Variants in DROSHA observed in about 807,000 individuals in gnomAD.
DROSHA encodes drosha ribonuclease III, also known as ribonuclease 3.
A neutral mutation model predicts 181.9 loss-of-function variants in DROSHA; 56 were observed. The ratio of observed to expected loss-of-function variants is 0.31; its 90% CI spans 0.25 to 0.38. DROSHA has a LOEUF of 0.38. Among genes scored for constraint, DROSHA ranks in the 10% least tolerant of loss-of-function variants. The probability of loss-of-function intolerance (pLI) is 1.00; values close to 1 mark genes in which losing one functional copy is unlikely to be tolerated. For synonymous variants in DROSHA, 524 were observed against 591.2 expected, an observed-to-expected ratio of 0.89 and a Z score of 1.65; for missense variants, 1,218 against 1,743.5, an observed-to-expected ratio of 0.70 and a Z score of 5.37.
intron 23 of DROSHA, among the ~76,000 whole-genome samples, chr5:31,442,814 C>T (rs1745751584): frequency 6.6e-6 from 1 of 151,962 alleles, no homozygotes; most frequent in Non-Finnish European, 1.5e-5. Flanking sequence ...CTGCATCTGC[C>T]TGGACACTTG....
intron 16 of DROSHA, among the ~76,000 whole-genome samples, chr5:31,482,469 T>C (rs939208121): frequency 6.6e-6 from 1 of 152,134 alleles, no homozygotes; most frequent in Non-Finnish European, 1.5e-5. Context: ...CTGAAGGATG[T>C]CACCAGAAAG....
rs532049618 is a variant in DROSHA at position 31,449,436 on chromosome 5, A to G, written c.2683-17T>C. On this transcript the variant is annotated splice_polypyrimidine_tract_variant and intron_variant, in intron 21 of 35. Transcript: ENST00000344624. Reference sequence around the variant, plus strand: ...CATGGCCAGCTAAAATTTCAATGAAATAAGTTCAGTCTTTAAAACAGCATA... The same window carrying G: ...CATGGCCAGCTAAAATTTCAATGAAGTAAGTTCAGTCTTTAAAACAGCATA... The G allele has an allele frequency of 2.6e-6, 4 of 1,553,160 alleles. No individual in the cohort carries two copies. The highest frequency in any genetic ancestry group is 2.7e-5 in the African/African-American group (2 of 73,468).
chr5:31,423,006 C>T, intron 28 of DROSHA, 62 bp from the exon 29 acceptor site: 1 of 1,421,458 alleles, frequency 7.0e-7, no homozygotes, highest in Non-Finnish European at 9.3e-7. Context: ...GTGCAATGAT[C>T]AATTCTAGGA....
intron 8 of DROSHA, among the ~76,000 whole-genome samples, chr5:31,513,955 A>G (rs1029323247): frequency 2.6e-5 from 4 of 152,156 alleles, no homozygotes; most frequent in Non-Finnish European, 4.4e-5. Context: ...TAAAATGGAG[A>G]TGGAAGAAAG....
intron 13 of DROSHA, 42 bp downstream of exon 13, chr5:31,493,165 G>C (rs1196634210): frequency 1.3e-6 from 2 of 1,556,630 alleles, no homozygotes; most frequent in East Asian, 4.6e-5. Flanking sequence ...GGATGAAGGA[G>C]GTACAAGGAA....
intron 2 of DROSHA, 55 bp from the exon 3 acceptor site, chr5:31,530,979 C>T: frequency 2.5e-6 from 1 of 396,388 alleles, no homozygotes; most frequent in Non-Finnish European, 4.4e-6. Context: ...AGTATGTTTC[C>T]ATGTTGCTAC....
chr5:31,444,459 C>T (rs1210768592), intron 23 of DROSHA, among the ~76,000 whole-genome samples: 1 of 152,196 alleles, frequency 6.6e-6, no homozygotes, highest in East Asian at 1.9e-4. Flanking sequence ...GGTATCATCC[C>T]TTCTGCCACG....
At chr5:31,528,887 C>T (rs921022720) in intron 4 of DROSHA, among the ~76,000 whole-genome samples, 153 bp downstream of exon 4, 4 of 152,178 alleles carry the variant, frequency 2.6e-5, no homozygotes, top group Non-Finnish European at 2.9e-5. Context: ...CTGGGCATGG[C>T]CCTCTATTGT....
chr5:31,491,590 C>G (rs765081251), intron 13 of DROSHA, among the ~76,000 whole-genome samples: 2 of 151,244 alleles, frequency 1.3e-5, no homozygotes, highest in Non-Finnish European at 2.9e-5. Context: ...TTTATAAGCC[C>G]TCTGTGGGGA....
intron 16 of DROSHA, among the ~76,000 whole-genome samples, chr5:31,476,674 G>C (rs574375817): frequency 1.3e-5 from 2 of 152,290 alleles, no homozygotes; most frequent in South Asian, 2.1e-4. Context: ...TCTCAAGGAA[G>C]GGGGATTGAG....
chr5:31,468,754 T>G (rs921991087), intron 17 of DROSHA, among the ~76,000 whole-genome samples: 2 of 152,224 alleles, frequency 1.3e-5, no homozygotes, highest in Non-Finnish European at 2.9e-5. Context: ...AGCAACCTCC[T>G]TCCTTATAAT....
intron 14 of DROSHA, among the ~76,000 whole-genome samples, chr5:31,486,281 T>C (rs1257062033): frequency 6.6e-6 from 1 of 151,952 alleles, no homozygotes; most frequent in Admixed American, 6.6e-5. Context: ...GAGAAAGGGG[T>C]ATAAAAACAG....
At chr5:31,414,586 G>T (rs572030624) in intron 30 of DROSHA, among the ~76,000 whole-genome samples, 1 of 152,148 alleles carries the variant, frequency 6.6e-6, no homozygotes, top group Non-Finnish European at 1.5e-5. Flanking sequence ...TAGCTCTCAC[G>T]ATTGTTTTGA....
chr5:31,464,917 T>C (rs374765181), intron 19 of DROSHA, among the ~76,000 whole-genome samples: 14 of 152,294 alleles, frequency 9.2e-5, no homozygotes, highest in African/African-American at 3.4e-4. Context: ...TTTGCATGCA[T>C]GCAACTGAAT....
chr5:31,525,100 G>T (rs112226333), intron 5 of DROSHA, among the ~76,000 whole-genome samples: 17,724 of 151,958 alleles, frequency 0.12, 1,436 homozygotes, highest in Non-Finnish European at 0.18. Flanking sequence ...GGAGGCCGAG[G>T]GGGGCTGATC....
At chr5:31,424,393 T>G in intron 28 of DROSHA, 34 bp downstream of exon 28, 2 of 1,587,080 alleles carry the variant, frequency 1.3e-6, no homozygotes, top group Non-Finnish European at 1.7e-6. Context: ...GCTGGAGTTA[T>G]AAAGCTCACT....
intron 16 of DROSHA, among the ~76,000 whole-genome samples, chr5:31,480,498 C>G (rs1176255407): frequency 6.6e-6 from 1 of 151,998 alleles, no homozygotes; most frequent in Non-Finnish European, 1.5e-5. Flanking sequence ...AGCTACTAAT[C>G]TTGATCTGGG....
intron 16 of DROSHA, among the ~76,000 whole-genome samples, chr5:31,479,383 T>C (rs1750758552): frequency 6.6e-6 from 1 of 152,116 alleles, no homozygotes; most frequent in African/African-American, 2.4e-5. Context: ...AAGAAAGAAA[T>C]TGTTCTTTTC....
At chr5:31,434,265 T>C (rs1419779299) in intron 25 of DROSHA, among the ~76,000 whole-genome samples, 1 of 152,232 alleles carries the variant, frequency 6.6e-6, no homozygotes, top group Non-Finnish European at 1.5e-5. Flanking sequence ...TGAAAAATAA[T>C]TATGCCATTC....
Sources: gnomAD v4.1 joint callset for allele counts (sites outside exome capture counted in the v4.1 genomes callset) on GRCh38, gnomAD v4.1.1 for gene constraint, MANE v1.5 for transcripts, NCBI Gene and HGNC (gene_info 2026-07-23, HGNC 2026-07-21) for gene names.